The following VWA7 variants were observed in gnomAD, a reference collection of about 807,000 sequenced individuals.
The protein encoded by VWA7 is von Willebrand factor A domain-containing protein 7.
VWA7 carries 66 observed loss-of-function variants against 83.1 expected under a neutral mutation model. The ratio of observed to expected loss-of-function variants is 0.79; its 90% CI spans 0.65 to 0.98. VWA7 has a LOEUF of 0.98. VWA7 is among the 50% of genes least tolerant of loss of function. The pLI is 0.00. For missense variants in VWA7, 1,080 were observed against 1,160.2 expected (o/e 0.93, Z 1.00); for synonymous variants, 424 against 488.5 (o/e 0.87, Z 1.74).
Position 31,775,395 on chromosome 6 carries a change from C to T in VWA7, c.548G>A (p.Gly183Asp). The change falls in exon 4 of 17, where the codon GGC becomes GAC. Residue 183 changes from glycine to aspartate, a missense_variant. Coordinates refer to ENST00000375688, the MANE Select transcript of VWA7 (RefSeq NM_025258.3). The surrounding 1 kb of genome is among the most constrained non-coding windows in gnomAD (Gnocchi z 5.9). ...GAGGTGAGGGTGTGGCTGCTGCTCGCCCAGCTCCACCCAGTTGCTATGACT... is the reference window on the plus strand; with the variant it reads ...GAGGTGAGGGTGTGGCTGCTGCTCGTCCAGCTCCACCCAGTTGCTATGACT... ...FYSHSNWVEL[G>D]EQQPHPHLLW... The T allele has an allele frequency of 6.2e-7, 1 of 1,612,372 alleles. No individual in the cohort carries two copies. Among genetic ancestry groups the T allele is most frequent in the South Asian group, 1.1e-5 (1 of 91,000 alleles).
At position 31,774,558 on chromosome 6, in the gene VWA7, G is replaced by C; in HGVS notation, c.679C>G (p.Leu227Val). ...TGAGTTCCAAAGTAGCCAGAGGTGAGGAGTGTGAAGCCCAGCCAATTCCTG... is the reference window on the plus strand; with the variant it reads ...TGAGTTCCAAAGTAGCCAGAGGTGACGAGTGTGAAGCCCAGCCAATTCCTG... The part of the protein sequence containing the change: ...CPRNWLGFTL[L>V]TSGYFGTHPP... The change falls in exon 5 of 17, where the codon CTC (leucine) becomes GTC (valine). Residue 227 changes from leucine (L) to valine (V), a missense_variant. Transcript: ENST00000375688. 6.2e-7 allele frequency: 1 copy of C among 1,612,898 alleles called. No individual in the cohort carries two copies. The highest frequency in any genetic ancestry group is 2.2e-5 in the East Asian group (1 of 44,880).
chr6:31,766,598 G>C lies in VWA7; in HGVS notation c.2049C>G (p.Leu683=). ...GCAGCGTGGGCGACAGCGAGGCTGCGAGGAGACCTCGCTCCGGAGGTCCCA... is the reference window on the plus strand; with the variant it reads ...GCAGCGTGGGCGACAGCGAGGCTGCCAGGAGACCTCGCTCCGGAGGTCCCA... ...EPVGPPERGL[L]AASLSPTLLS... Residue 683 remains leucine (L), a synonymous_variant, in exon 14 of 17, where the codon CTC becomes CTG. Coordinates refer to ENST00000375688, the MANE Select transcript of VWA7 (RefSeq NM_025258.3). This position sits in a 1 kb window ranked among gnomAD's most constrained non-coding sequence, Gnocchi z 4.9. 1 of 1,613,042 alleles carries C rather than the reference G, an allele frequency of 6.2e-7. No individual in the cohort carries two copies. The highest frequency in any genetic ancestry group is 8.5e-7 in the Non-Finnish European group (1 of 1,180,018).
Position 31,773,229 on chromosome 6 carries a change from G to A in VWA7, c.917+13C>T, listed in dbSNP as rs1812371958. The A allele has an allele frequency of 1.3e-6, 2 of 1,597,848 alleles. No individual in the cohort carries two copies. The highest frequency in any genetic ancestry group is 2.7e-5 in the African/African-American group (2 of 74,746). On this transcript the variant is annotated intron_variant, in intron 6 of 16. Transcript: ENST00000375688. The surrounding 1 kb of genome is among the most constrained non-coding windows in gnomAD (Gnocchi z 5.3). ...CTCCCCATGAAGGGGTCCATCCCCA[G>A]GAGGCCACTCACCTGGAGAAATCCC...
chr6:31,770,528 G>A (rs1812070230), intron 7 of VWA7, among the ~76,000 whole-genome samples: 1 of 141,470 alleles, frequency 7.1e-6, no homozygotes, highest in Non-Finnish European at 1.5e-5. Flanking sequence ...GCAGTGAGCC[G>A]AGATCGTGCC....
Position 31,776,203 on chromosome 6 carries a change from A to G in VWA7, c.274T>C (p.Phe92Leu), listed in dbSNP as rs1158179834. The change falls in exon 3 of 17, where the codon TTT becomes CTT. Residue 92 changes from phenylalanine to leucine, a missense_variant. Physicochemically the swap from Phe to Leu is conservative, Grantham distance 22. Coordinates refer to ENST00000375688, the MANE Select transcript of VWA7 (RefSeq NM_025258.3). This position sits in a 1 kb window ranked among gnomAD's most constrained non-coding sequence, Gnocchi z 6.2. ...LLADDLFAAY[F>L]GPGSSRRFRA... Reference sequence around the variant, plus strand: ...AACCGCCGAGAAGAACCAGGTCCAAAGTAGGCGGCAAAGAGGTCATCAGCA... The same window carrying G: ...AACCGCCGAGAAGAACCAGGTCCAAGGTAGGCGGCAAAGAGGTCATCAGCA... 1.2e-6 allele frequency: 2 copies of G among 1,613,846 alleles called. No homozygotes were observed. The highest frequency in any genetic ancestry group is 2.2e-5 in the South Asian group (2 of 91,074).
At chr6:31,770,552 C>T (rs1185780176) in intron 7 of VWA7, among the ~76,000 whole-genome samples, 1 of 119,308 alleles carries the variant, frequency 8.4e-6, no homozygotes, top group African/African-American at 3.0e-5. Context: ...GCACTCCAGT[C>T]TGGCGACAGA....
Position 31,766,847 on chromosome 6 carries a change from T to A in VWA7, c.1883-83A>T. 6.8e-7 allele frequency: 1 copy of A among 1,470,104 alleles called. No homozygotes were observed. Among genetic ancestry groups the A allele is most frequent in the Non-Finnish European group, 9.2e-7 (1 of 1,090,896 alleles). 91.1% of individuals were successfully genotyped at this position (1,470,104 alleles called of 1,614,324 possible). A position where few individuals can be genotyped will look rare whatever the true frequency, so the allele number is the denominator to read the frequency against. ...GAATTAATGGCCTTCAAAATAGGGGTTCCCTCTGGGGAGTATGGATGGGAA... is the reference window on the plus strand; with the variant it reads ...GAATTAATGGCCTTCAAAATAGGGGATCCCTCTGGGGAGTATGGATGGGAA... On this transcript the variant is annotated intron_variant, in intron 13 of 16. Transcript: ENST00000375688. The surrounding 1 kb of genome is among the most constrained non-coding windows in gnomAD (Gnocchi z 4.9).
At chr6:31,774,030 C>T (rs1032828400) in intron 5 of VWA7, among the ~76,000 whole-genome samples, 1 of 144,964 alleles carries the variant, frequency 6.9e-6, no homozygotes, top group African/African-American at 2.6e-5. Context: ...GGCACATGCC[C>T]GTAATCCCAG....
intron 10 of VWA7, among the ~76,000 whole-genome samples, chr6:31,768,139 CAAAAAAAA>C (rs9279412): frequency 9.1e-5 from 7 of 77,106 alleles, no homozygotes; most frequent in Non-Finnish European, 1.2e-4. Context: ...GACTCTGTCT[CAAAAAAAA>C]AAAAAAAAAA....
In VWA7 at chr6:31,775,249, G is replaced by A. The variant is rs1812571864; in HGVS notation, c.610+84C>T. ...GAGATTAAGTAACATCATACCCTCTGGGACTTCAGAATGTGACACAGTGGC... is the reference window on the plus strand; with the variant it reads ...GAGATTAAGTAACATCATACCCTCTAGGACTTCAGAATGTGACACAGTGGC... On this transcript the variant is annotated intron_variant, in intron 4 of 16. Transcript: ENST00000375688. This position sits in a 1 kb window ranked among gnomAD's most constrained non-coding sequence, Gnocchi z 5.9. 1.6e-6 allele frequency: 2 copies of A among 1,214,406 alleles called. No individual in the cohort carries two copies. The highest frequency in any genetic ancestry group is 2.3e-6 in the Non-Finnish European group (2 of 863,626). The allele number at this position is 1,214,406 out of a possible 1,614,324, so 75.2% of individuals were successfully genotyped here.
At position 31,765,702 on chromosome 6, in the gene VWA7, G is replaced by C; in HGVS notation, c.2568C>G (p.Pro856=). ...ILTTATPAFS[P]FTLVTQGRAG... ...CCCTGCCTTGAGTCACCAATGTGAA[G>C]GGGGAAAAGGCAGGGGTGGCCGTGG... The change falls in exon 17 of 17, where the codon CCC becomes CCG. Residue 856 remains proline (P), a synonymous_variant. Coordinates refer to ENST00000375688, the MANE Select transcript of VWA7 (RefSeq NM_025258.3). The C allele has an allele frequency of 6.3e-7, 1 of 1,598,650 alleles. No individual in the cohort carries two copies. Among genetic ancestry groups the C allele is most frequent in the Non-Finnish European group, 8.5e-7 (1 of 1,172,804 alleles).
Position 31,774,645 on chromosome 6 carries a change from G to C in VWA7, c.611-19C>G. The C allele has an allele frequency of 6.2e-7, 1 of 1,601,726 alleles. No individual in the cohort carries two copies. On this transcript the variant is annotated intron_variant, in intron 4 of 16. Coordinates refer to ENST00000375688, the MANE Select transcript of VWA7 (RefSeq NM_025258.3). ...TCGGCCACTGGGAAGAGAGGGCAGGGCTAGAACCCAAGATTCTGCCACCCC... is the reference window on the plus strand; with the variant it reads ...TCGGCCACTGGGAAGAGAGGGCAGGCCTAGAACCCAAGATTCTGCCACCCC...
Position 31,766,890 on chromosome 6 carries a change from G to A in VWA7, c.1883-126C>T, listed in dbSNP as rs1404685870. 1 of 1,026,492 alleles carries A rather than the reference G, an allele frequency of 9.7e-7. No individual in the cohort carries two copies. The highest frequency in any genetic ancestry group is 1.4e-6 in the Non-Finnish European group (1 of 727,100). The allele number at this position is 1,026,492 out of a possible 1,614,324, so 63.6% of individuals were successfully genotyped here. A position where few individuals can be genotyped will look rare whatever the true frequency, so the allele number is the denominator to read the frequency against. The stretch of plus-strand genomic sequence containing the variant: ...GATGGGAAAATAGGTTACCTTCGAG[G>A]GGTATTGATGGGGAGCATCAGGAGG... On this transcript the variant is annotated intron_variant, in intron 13 of 16. Transcript: ENST00000375688. This position sits in a 1 kb window ranked among gnomAD's most constrained non-coding sequence, Gnocchi z 4.9.
intron 5 of VWA7, 100 bp downstream of exon 5, chr6:31,774,413 TAGG>T: frequency 8.9e-7 from 1 of 1,119,380 alleles, no homozygotes; most frequent in East Asian, 2.5e-5. Context: ...CCTCTCCTCC[TAGG>T]AGGAGATGCC....
Position 31,766,294 on chromosome 6 carries a change from G to A in VWA7, c.2275C>T (p.Leu759Phe), listed in dbSNP as rs1811558306. The change falls in exon 15 of 17, where the codon CTT becomes TTT. Residue 759 changes from leucine to phenylalanine, a missense_variant. By Grantham distance (22) the Leu-to-Phe change is conservative (BLOSUM62 0). Transcript: ENST00000375688. The surrounding 1 kb of genome is among the most constrained non-coding windows in gnomAD (Gnocchi z 4.9). Reference protein sequence around the residue: ...ASFSGPQDLDLRTFVNPSFSL... With the variant: ...ASFSGPQDLDFRTFVNPSFSL... The stretch of plus-strand genomic sequence containing the variant: ...AAGCTGGGGTTGACGAAAGTCCTAA[G>A]GTCAAGATCCTGAGGGCCCGAGAAG... 1 of 1,612,582 alleles carries A rather than the reference G, an allele frequency of 6.2e-7. No homozygotes were observed. The highest frequency in any genetic ancestry group is 8.5e-7 in the Non-Finnish European group (1 of 1,179,932).
Position 31,766,024 on chromosome 6 carries a change from G to A in VWA7, c.2358C>T (p.Gly786=), listed in dbSNP as rs1337561949. Residue 786 remains glycine (G), a synonymous_variant, in exon 16 of 17, where the codon GGC becomes GGT. Transcript: ENST00000375688. The surrounding 1 kb of genome is among the most constrained non-coding windows in gnomAD (Gnocchi z 4.9). The part of the protein sequence containing the change: ...AHLELNESAW[G]RLWLEVPDSA... ...AATCTGGGACCTCCAGCCACAGGCG[G>A]CCCCAGGCCGACTCATTCAGTTCCA... 2 of 1,612,172 alleles carry A rather than the reference G, an allele frequency of 1.2e-6. No individual in the cohort carries two copies. Among genetic ancestry groups the A allele is most frequent in the South Asian group, 1.1e-5 (1 of 91,040 alleles).
At chr6:31,768,336 G>A (rs1023966331) in intron 10 of VWA7, among the ~76,000 whole-genome samples, 5 of 152,224 alleles carry the variant, frequency 3.3e-5, no homozygotes, top group Admixed American at 2.0e-4. Flanking sequence ...TAGGCCAGGC[G>A]TGGTGGCTCA....
At position 31,769,056 on chromosome 6, in the gene VWA7, C is replaced by T. The variant is rs1265717778; in HGVS notation, c.1465G>A (p.Asp489Asn). Residue 489 changes from aspartate (D) to asparagine (N), a missense_variant, in exon 10 of 17, where the codon GAC becomes AAC. Physicochemically the swap from Asp to Asn is conservative, Grantham distance 23 (BLOSUM62 1). Transcript: ENST00000375688. The surrounding 1 kb of genome is among the most constrained non-coding windows in gnomAD (Gnocchi z 4.5). ...VIFTKDQHIR[D>N]VAAIVGESMA... Reference sequence around the variant, plus strand: ...CTCTCCCCAACAATGGCTGCCACGTCTCGAATGTGCTGGTCTTTGGTGAAG... The same window carrying T: ...CTCTCCCCAACAATGGCTGCCACGTTTCGAATGTGCTGGTCTTTGGTGAAG... 6.2e-7 allele frequency: 1 copy of T among 1,612,988 alleles called. No individual in the cohort carries two copies. The highest frequency in any genetic ancestry group is 8.5e-7 in the Non-Finnish European group (1 of 1,179,986).
At position 31,773,151 on chromosome 6, in the gene VWA7, A is replaced by T. The variant is rs1245254561; in HGVS notation, c.918-28T>A. 6.2e-7 allele frequency: 1 copy of T among 1,605,358 alleles called. No homozygotes were observed. The highest frequency in any genetic ancestry group is 8.5e-7 in the Non-Finnish European group (1 of 1,176,486). On this transcript the variant is annotated intron_variant, in intron 6 of 16. Transcript: ENST00000375688. This position sits in a 1 kb window ranked among gnomAD's most constrained non-coding sequence, Gnocchi z 5.3. ...GGGGAGCAAGCCAGAGACACAGTGA[A>T]GGGCCTGCACGTTTGTCCCCAGCGC...
Sources: gnomAD v4.1 joint callset for allele counts (sites outside exome capture counted in the v4.1 genomes callset) on GRCh38, gnomAD v4.1.1 for gene constraint, Gnocchi (gnomAD v3.1) non-coding constraint, MANE v1.5 for transcripts, NCBI Gene and HGNC (gene_info 2026-07-23, HGNC 2026-07-21) for gene names.